The following NEBL variants were observed in gnomAD, a reference collection of about 807,000 sequenced individuals.
The protein encoded by NEBL is LIM and SH3 protein 2.
A neutral mutation model predicts 140.2 loss-of-function variants in NEBL; 122 were observed. The observed-to-expected ratio is 0.87, with a 90% CI of 0.75 to 1.01. The LOEUF (loss-of-function observed/expected upper bound fraction) is 1.01. Among genes scored for constraint, NEBL ranks in the 50% least tolerant of loss-of-function variants. NEBL has a pLI of 0.00. For missense variants in NEBL, 1,365 were observed against 1,231.3 expected, an observed-to-expected ratio of 1.11 and a Z score of -1.62; for synonymous variants, 436 against 398.9, an observed-to-expected ratio of 1.09 and a Z score of -1.11.
intron 2 of NEBL, among the ~76,000 whole-genome samples, chr10:21,050,700 G>A (rs568089525): frequency 6.6e-6 from 1 of 152,302 alleles, no homozygotes; most frequent in East Asian, 1.9e-4. Context: ...GGAATGAGAA[G>A]ATTTCAATAA....
intron 2 of NEBL, among the ~76,000 whole-genome samples, chr10:21,144,987 C>CA (rs1314375108): frequency 6.9e-6 from 1 of 145,510 alleles, no homozygotes; most frequent in Non-Finnish European, 1.5e-5. Context: ...TCTCCAAGCA[C>CA]AAAAAAGGGG....
chr10:21,227,733 TTC>T (rs1372304529), intron 3 of NEBL, among the ~76,000 whole-genome samples: 27 of 130,742 alleles, frequency 2.1e-4, no homozygotes, highest in African/African-American at 7.8e-4. Context: ...CTTCTTCTTC[TTC>T]TTCTTCTTCT....
At chr10:20,814,229 G>C (rs1024513245) in intron 22 of NEBL, among the ~76,000 whole-genome samples, 186 bp from the exon 23 acceptor site, 1 of 151,904 alleles carries the variant, frequency 6.6e-6, no homozygotes, top group Non-Finnish European at 1.5e-5. Context: ...CTCCTCCACC[G>C]CCTACTGCTA....
In NEBL at chr10:21,055,371, C is replaced by G. The variant is rs1471302185; in HGVS notation, c.165-35170G>C. Among the ~76,000 whole-genome samples, 4 of 152,230 alleles carry G rather than the reference C, an allele frequency of 2.6e-5. No individual in the cohort carries two copies. The East Asian group carries it at 7.7e-4, about 29-fold the overall frequency. On this transcript the variant is annotated intron_variant, in intron 2 of 6. Coordinates refer to the NEBL transcript ENST00000417816. The stretch of plus-strand genomic sequence containing the variant: ...TCTAAATCGGCTAATTCACGCACCC[C>G]AAAGGAAATAGGTCTGGAGGCAGAG...
Position 20,892,228 on chromosome 10 carries a change from C to T in NEBL, c.154-2279G>A, listed in dbSNP as rs138594873. 4.3e-3 allele frequency among the ~76,000 whole-genome samples: 662 copies of T among 152,366 alleles called. 5 individuals carry two copies. The highest frequency in any genetic ancestry group is 0.015 in the African/African-American group (640 of 41,574). ...CCAGTGTTTGGCCTGGGGAGCCACACTCTCTGTGACTTTAGTGGAAATCTT... is the reference window on the plus strand; with the variant it reads ...CCAGTGTTTGGCCTGGGGAGCCACATTCTCTGTGACTTTAGTGGAAATCTT... On this transcript the variant is annotated intron_variant, in intron 2 of 27. Coordinates refer to ENST00000377122, the MANE Select transcript of NEBL (RefSeq NM_006393.3).
chr10:21,093,159 T>TTTTTTTTTTTC, intron 2 of NEBL, among the ~76,000 whole-genome samples: 1 of 146,488 alleles, frequency 6.8e-6, no homozygotes, highest in African/African-American at 2.6e-5. Context: ...TCTTTTTTTT[T>TTTTTTTTTTTC]TTTTTTCCAT....
rs573043304 is a variant in NEBL at position 20,973,166 on chromosome 10, T to C, written c.250-11387A>G. On this transcript the variant is annotated intron_variant, in intron 3 of 6. Coordinates refer to the NEBL transcript ENST00000417816. Reference sequence around the variant, plus strand: ...TGATTTATTGAAGACCTATAAGGTGTCAGACATTGTTCTAGGCACTTAACA... The same window carrying C: ...TGATTTATTGAAGACCTATAAGGTGCCAGACATTGTTCTAGGCACTTAACA... Among the ~76,000 whole-genome samples, 83 of 152,264 alleles carry C rather than the reference T, an allele frequency of 5.5e-4. 1 individual carries two copies. In the South Asian group the frequency reaches 7.7e-3, roughly 14 times the overall value.
At chr10:21,134,479 T>A (rs552519299) in intron 2 of NEBL, among the ~76,000 whole-genome samples, 1 of 152,316 alleles carries the variant, frequency 6.6e-6, no homozygotes, top group East Asian at 1.9e-4. Context: ...TCTGCATATG[T>A]TTCCTAAATT....
intron 2 of NEBL, among the ~76,000 whole-genome samples, chr10:21,073,177 T>A (rs1835895738): frequency 6.6e-6 from 1 of 151,986 alleles, no homozygotes; most frequent in South Asian, 2.1e-4. Context: ...TCTTCATTCA[T>A]CAGGGCGCAG....
intron 3 of NEBL, among the ~76,000 whole-genome samples, chr10:21,002,230 A>G (rs1254891396): frequency 1.3e-5 from 2 of 152,032 alleles, no homozygotes; most frequent in Non-Finnish European, 2.9e-5. Context: ...TATTACTAAC[A>G]TGAGTCATAA....
intron 2 of NEBL, among the ~76,000 whole-genome samples, chr10:21,156,514 T>G (rs1840343027): frequency 6.6e-6 from 1 of 152,036 alleles, no homozygotes; most frequent in Non-Finnish European, 1.5e-5. Flanking sequence ...CCTGGGAGAA[T>G]AGGCTAACCA....
intron 2 of NEBL, among the ~76,000 whole-genome samples, chr10:21,154,225 G>A (rs771180867): frequency 1.3e-5 from 2 of 151,930 alleles, no homozygotes; most frequent in Admixed American, 6.6e-5. Flanking sequence ...TTGGAAGGCC[G>A]AAGCAGGAAG....
At chr10:21,117,188 C>A (rs1272268470) in intron 2 of NEBL, among the ~76,000 whole-genome samples, 1 of 151,966 alleles carries the variant, frequency 6.6e-6, no homozygotes, top group Non-Finnish European at 1.5e-5. Flanking sequence ...ATGAGACCCA[C>A]CAGGAGACAA....
chr10:21,060,977 C>G (rs1835248328), intron 2 of NEBL, among the ~76,000 whole-genome samples: 2 of 151,992 alleles, frequency 1.3e-5, no homozygotes, highest in African/African-American at 4.8e-5. Flanking sequence ...TTGAACTGTG[C>G]CCCCGAGAAA....
At chr10:20,869,119 G>A (rs1430579513) in intron 6 of NEBL, among the ~76,000 whole-genome samples, 2 of 152,114 alleles carry the variant, frequency 1.3e-5, no homozygotes, top group African/African-American at 4.8e-5. Context: ...TTTATTCTCA[G>A]GAACTGTTCT....
chr10:20,961,732 G>A (rs375108886), exon 4 of NEBL: 9 of 1,613,774 alleles, frequency 5.6e-6, no homozygotes, highest in African/African-American at 1.3e-5. Flanking sequence ...CCGTGACGAT[G>A]CTGAAGCCCC....
rs191012363 is a variant in NEBL at position 20,831,215 on chromosome 10, G to A, written c.1652C>T (p.Thr551Ile). Reference protein sequence around the residue: ...DIPDILRAKRTSEIYSQRKYK... With the variant: ...DIPDILRAKRISEIYSQRKYK... ...ACCAACCTGGCTATAGATTTCAGAT[G>A]TCCTCTTGGCTCGAAGGATATCTGG... Residue 551 changes from threonine (T) to isoleucine (I), a missense_variant, in exon 16 of 28, where the codon ACA (threonine) becomes ATA (isoleucine). Coordinates refer to ENST00000377122, the MANE Select transcript of NEBL (RefSeq NM_006393.3). The A allele has an allele frequency of 1.4e-4, 218 of 1,612,572 alleles. No homozygotes were observed. The highest frequency in any genetic ancestry group is 4.8e-4 in the Admixed American group (29 of 59,968).
chr10:21,049,004 C>G (rs775785512), intron 2 of NEBL, among the ~76,000 whole-genome samples: 18 of 151,856 alleles, frequency 1.2e-4, no homozygotes, highest in Non-Finnish European at 2.4e-4. Flanking sequence ...AGAGAGACTC[C>G]AACTCAAATA....
At chr10:21,092,829 G>A (rs1331233646) in intron 2 of NEBL, among the ~76,000 whole-genome samples, 1 of 151,964 alleles carries the variant, frequency 6.6e-6, no homozygotes, top group Non-Finnish European at 1.5e-5. Context: ...GCATTAAAAA[G>A]CCTTTGCCTT....
Sources: allele counts gnomAD v4.1 joint callset (sites outside exome capture counted in the v4.1 genomes callset), GRCh38; gene constraint gnomAD v4.1.1; transcripts MANE v1.5; gene names NCBI Gene and HGNC (gene_info 2026-07-23, HGNC 2026-07-21).